The following ESR1 variants were observed in gnomAD, a reference collection of about 807,000 sequenced individuals.
ESR1 encodes the protein estrogen receptor.
In ESR1, 12 loss-of-function variants were observed where a neutral mutation model predicts 52.7. The ratio of observed to expected loss-of-function variants is 0.23; its 90% CI spans 0.15 to 0.37. The LOEUF (loss-of-function observed/expected upper bound fraction) is 0.37, where lower values mean the gene tolerates loss of function less well. ESR1 is among the 10% of genes least tolerant of loss of function. The pLI, the probability that ESR1 is intolerant of heterozygous loss-of-function variation, is 1.00. For missense variants in ESR1, 584 were observed against 779.7 expected, an observed-to-expected ratio of 0.75 and a Z score of 2.99; for synonymous variants, 305 against 316.8, an observed-to-expected ratio of 0.96 and a Z score of 0.39.
rs2152506609 is a variant in ESR1 at position 152,098,802 on chromosome 6, G to A, written c.1624G>A (p.Glu542Lys). ...GGTGCCCCTCTATGACCTGCTGCTG[G>A]AGATGCTGGACGCCCACCGCCTACA... ...NVVPLYDLLLEMLDAHRLHAP... is the reference protein window; with the variant it reads ...NVVPLYDLLLKMLDAHRLHAP... The change falls in exon 8 of 8, where the codon GAG becomes AAG. Residue 542 changes from glutamate to lysine, a missense_variant. Physicochemically the swap from Glu to Lys is moderately conservative, Grantham distance 56. Coordinates refer to ENST00000206249, the MANE Select transcript of ESR1 (RefSeq NM_000125.4). The surrounding 1 kb of genome is among the most constrained non-coding windows in gnomAD (Gnocchi z 5.1). 6.2e-7 allele frequency: 1 copy of A among 1,614,140 alleles called. No individual in the cohort carries two copies. Among genetic ancestry groups the A allele is most frequent in the Non-Finnish European group, 8.5e-7 (1 of 1,180,022 alleles).
chr6:151,921,330 A>G (rs1456849206), intron 3 of ESR1, among the ~76,000 whole-genome samples: 2 of 152,172 alleles, frequency 1.3e-5, no homozygotes, highest in Non-Finnish European at 1.5e-5. Flanking sequence ...TATCCAGTCT[A>G]TCACTGATAG....
chr6:151,782,751 G>A (rs1443913277), intron 2 of ESR1, among the ~76,000 whole-genome samples: 1 of 152,158 alleles, frequency 6.6e-6, no homozygotes, highest in African/African-American at 2.4e-5. Context: ...TGAAGTGAAT[G>A]TGTGAATGGA....
chr6:151,802,061 T>G (rs908605644), upstream of ESR1, among the ~76,000 whole-genome samples: 1 of 152,220 alleles, frequency 6.6e-6, no homozygotes, highest in Non-Finnish European at 1.5e-5. Flanking sequence ...TACTCTATAC[T>G]TTCATTGGGA....
intron 4 of ESR1, among the ~76,000 whole-genome samples, chr6:152,008,517 G>T (rs73629916): frequency 6.6e-6 from 1 of 152,174 alleles, no homozygotes; most frequent in East Asian, 1.9e-4. Flanking sequence ...AAAACTGTCA[G>T]ACCTAAATAA....
intron 2 of ESR1, among the ~76,000 whole-genome samples, chr6:151,767,028 A>G (rs778151309): frequency 1.3e-5 from 2 of 152,218 alleles, no homozygotes; most frequent in Non-Finnish European, 2.9e-5. Context: ...GAGAAATGAA[A>G]ATATGGTTTC....
chr6:151,909,181 A>G (rs1034171985), intron 3 of ESR1, among the ~76,000 whole-genome samples: 2 of 152,220 alleles, frequency 1.3e-5, no homozygotes, highest in Non-Finnish European at 2.9e-5. Flanking sequence ...AATAACACCA[A>G]GGTCGTGGTT....
At chr6:151,804,232 A>G (rs1777556922), upstream of ESR1, among the ~76,000 whole-genome samples, 1 of 152,212 alleles carries the variant, frequency 6.6e-6, no homozygotes. Context: ...AGTGGTTAAG[A>G]AAACTGCCTT....
intron 1 of ESR1, chr6:151,809,263 A>G (rs577928091): frequency 2.5e-4 from 102 of 407,556 alleles, no homozygotes; most frequent in African/African-American, 1.8e-3. Context: ...TGTGACTTCA[A>G]TGGCGAAGGT....
chr6:151,711,355 G>C (rs1189201967), intron 2 of ESR1, among the ~76,000 whole-genome samples: 4 of 151,976 alleles, frequency 2.6e-5, no homozygotes. Context: ...CCAAGTAGCT[G>C]GGACTACAGG....
At chr6:151,750,771 C>T (rs1053077148) in intron 2 of ESR1, among the ~76,000 whole-genome samples, 1 of 152,030 alleles carries the variant, frequency 6.6e-6, no homozygotes, top group African/African-American at 2.4e-5. Flanking sequence ...GTTCTGAAAA[C>T]CAGGCTTAAT....
intron 2 of ESR1, among the ~76,000 whole-genome samples, chr6:151,747,542 T>C (rs750808122): frequency 6.6e-6 from 1 of 150,414 alleles, no homozygotes; most frequent in Non-Finnish European, 1.5e-5. Flanking sequence ...GTGATAATGC[T>C]TCTAAAAACT....
rs140648188 is a variant in ESR1 at position 151,877,143 on chromosome 6, G to A, written c.644-3512G>A. Among the ~76,000 whole-genome samples the A allele has an allele frequency of 5.4e-3, 822 of 151,778 alleles. 10 individuals are homozygous for A. The highest frequency in any genetic ancestry group is 0.019 in the African/African-American group (787 of 41,394). ...TTTTTTATTATACTTTAAGTTTTAG[G>A]GTACATGTGCACATTGTGCAGGTTA... is the stretch of plus-strand genomic sequence containing the variant. On this transcript the variant is annotated intron_variant, in intron 2 of 7. Transcript: ENST00000206249.
At chr6:151,764,849 T>C (rs1784925294) in intron 2 of ESR1, among the ~76,000 whole-genome samples, 1 of 152,234 alleles carries the variant, frequency 6.6e-6, no homozygotes, top group Non-Finnish European at 1.5e-5. Flanking sequence ...AATCTAGCAC[T>C]TCATGTGATT....
intron 3 of ESR1, among the ~76,000 whole-genome samples, chr6:151,890,454 T>A (rs1039996226): frequency 6.6e-6 from 1 of 152,232 alleles, no homozygotes; most frequent in African/African-American, 2.4e-5. Context: ...AGAATGTGTG[T>A]TCTGTTGCTG....
intron 1 of ESR1, among the ~76,000 whole-genome samples, chr6:151,693,854 G>A (rs574771023): frequency 6.6e-6 from 1 of 152,162 alleles, no homozygotes. Context: ...CTGACCTTAA[G>A]TGATCCACTC....
intron 1 of ESR1, among the ~76,000 whole-genome samples, chr6:151,698,406 G>A (rs1779528230): frequency 6.6e-6 from 1 of 151,706 alleles, no homozygotes. Context: ...GATACTGACA[G>A]TATAAACACA....
chr6:151,754,283 A>G (rs984647934), intron 2 of ESR1, among the ~76,000 whole-genome samples: 4 of 152,042 alleles, frequency 2.6e-5, no homozygotes, highest in African/African-American at 9.7e-5. Context: ...CTATTATTAT[A>G]AGTTTGTTGC....
intron 2 of ESR1, among the ~76,000 whole-genome samples, chr6:151,782,478 C>T (rs531863878): frequency 3.9e-5 from 6 of 152,182 alleles, no homozygotes; most frequent in South Asian, 2.1e-4. Flanking sequence ...TCCAAGTTTT[C>T]GGTAAATGAT....
chr6:151,717,373 C>T (rs1264625052), intron 2 of ESR1, among the ~76,000 whole-genome samples: 6 of 152,090 alleles, frequency 3.9e-5, no homozygotes, highest in Admixed American at 3.9e-4. Flanking sequence ...TTTTCTGCAG[C>T]TTTATTAAAA....
Sources: gnomAD v4.1 joint callset for allele counts (sites outside exome capture counted in the v4.1 genomes callset) on GRCh38, gnomAD v4.1.1 for gene constraint, Gnocchi (gnomAD v3.1) non-coding constraint, MANE v1.5 for transcripts, NCBI Gene and HGNC (gene_info 2026-07-23, HGNC 2026-07-21) for gene names.